ZDHHC20: variants seen among roughly 807,000 people sequenced by gnomAD.
ZDHHC20 encodes the protein zDHHC palmitoyltransferase 20, also known as palmitoyltransferase ZDHHC20.
Under a neutral mutation model 57.8 loss-of-function variants are expected in ZDHHC20, and 43 were observed. The observed-to-expected ratio is 0.74, with a 90% CI of 0.58 to 0.96. The LOEUF (loss-of-function observed/expected upper bound fraction) is 0.96. Among genes scored for constraint, ZDHHC20 ranks in the 40% least tolerant of loss-of-function variants. The pLI is 0.00. For synonymous variants in ZDHHC20, 157 were observed against 153.0 expected (o/e 1.03, Z -0.19); for missense variants, 391 against 441.1 (o/e 0.89, Z 1.02).
At chr13:21,430,889 T>C (rs1881831731) in intron 1 of ZDHHC20, among the ~76,000 whole-genome samples, 1 of 152,174 alleles carries the variant, frequency 6.6e-6, no homozygotes, top group Non-Finnish European at 1.5e-5. Flanking sequence ...CTGCACACTT[T>C]CCATGGATTT....
chr13:21,387,785 A>C (rs984398899), intron 8 of ZDHHC20, among the ~76,000 whole-genome samples, 151 bp from the exon 9 acceptor site: 1 of 152,204 alleles, frequency 6.6e-6, no homozygotes, highest in Non-Finnish European at 1.5e-5. Context: ...TTAAAAGATA[A>C]ATTTATGAAA....
At chr13:21,384,072 G>T (rs79564354) in intron 9 of ZDHHC20, among the ~76,000 whole-genome samples, 37 of 151,834 alleles carry the variant, frequency 2.4e-4, no homozygotes, top group Non-Finnish European at 4.3e-4. Flanking sequence ...CCAGGACCCT[G>T]GCACTATGGG....
chr13:21,388,874 G>A (rs1875101345), intron 8 of ZDHHC20, among the ~76,000 whole-genome samples: 1 of 152,128 alleles, frequency 6.6e-6, no homozygotes, highest in Non-Finnish European at 1.5e-5. Context: ...AAAGATGTAA[G>A]GAGCTGTTTT....
At position 21,374,449 on chromosome 13, in the gene ZDHHC20, A is replaced by G. The variant is rs1270741443; in HGVS notation, c.*2247T>C. ...AGGGTTTTGCCATTTTGACCAGGCT[A>G]ATCTCGAACCCCTGACCTCAGGTGA... On this transcript the variant is annotated 3_prime_UTR_variant, in exon 13 of 13. Transcript: ENST00000400590. 2 of 455,234 alleles carry G rather than the reference A, an allele frequency of 4.4e-6. No individual in the cohort carries two copies. The highest frequency in any genetic ancestry group is 8.8e-6 in the Non-Finnish European group (2 of 226,388). 28.2% of individuals were successfully genotyped at this position (455,234 alleles called of 1,614,324 possible). A position where few individuals can be genotyped will look rare whatever the true frequency, so the allele number is the denominator to read the frequency against.
intron 1 of ZDHHC20, among the ~76,000 whole-genome samples, chr13:21,432,488 CCTGA>C (rs1022902183): frequency 8.5e-5 from 13 of 152,276 alleles, no homozygotes; most frequent in South Asian, 8.3e-4. Context: ...CACCACCATG[CCTGA>C]CTAATTTTTT....
In ZDHHC20 at chr13:21,374,835, T is replaced by A. The variant is rs560092653; in HGVS notation, c.*1861A>T. Reference sequence around the variant, plus strand: ...TTATTATTTAGCATACAGAAGGTACTCCAAAAAATTTACCGGGGCGGGGCG... The same window carrying A: ...TTATTATTTAGCATACAGAAGGTACACCAAAAAATTTACCGGGGCGGGGCG... On this transcript the variant is annotated 3_prime_UTR_variant, in exon 13 of 13. Transcript: ENST00000400590. 5.0e-5 allele frequency: 15 copies of A among 297,148 alleles called. No homozygotes were observed. Among genetic ancestry groups the A allele is most frequent in the South Asian group, 4.5e-4 (15 of 32,970 alleles). The allele number at this position is 297,148 out of a possible 1,614,324, so 18.4% of individuals were successfully genotyped here.
In ZDHHC20 at chr13:21,439,255, G is replaced by A. The variant is rs1039220083; in HGVS notation, c.119-13577C>T. Among the ~76,000 whole-genome samples, 14 of 152,186 alleles carry A rather than the reference G, an allele frequency of 9.2e-5. No homozygotes were observed. The South Asian group carries it at 1.2e-3, about 14-fold the overall frequency. On this transcript the variant is annotated intron_variant, in intron 1 of 12. Transcript: ENST00000400590. ...TGGCTCACGCCTGTAATCCCAACAC[G>A]TAAGGAGGCTGAGGCAAGAGGATCG...
At chr13:21,377,549 C>T (rs1426962316) in intron 12 of ZDHHC20, 1 of 106,552 alleles carries the variant, frequency 9.4e-6, no homozygotes, top group South Asian at 1.7e-4. Flanking sequence ...TGACCTCCAC[C>T]CCTAGTGCCT....
intron 2 of ZDHHC20, among the ~76,000 whole-genome samples, chr13:21,423,451 G>A (rs140170809): frequency 4.2e-3 from 639 of 152,106 alleles, no homozygotes; most frequent in African/African-American, 0.015. Context: ...TGGGGCGGGC[G>A]GATCACTTGA....
chr13:21,444,484 C>T (rs1180067682), intron 1 of ZDHHC20, among the ~76,000 whole-genome samples: 1 of 152,030 alleles, frequency 6.6e-6, no homozygotes, highest in African/African-American at 2.4e-5. Context: ...ATTAGAATAT[C>T]CTTTTATAAA....
chr13:21,374,180 A>AAT lies in ZDHHC20; in HGVS notation c.*2514_*2515dup, dbSNP rs1247072685. ...TATGTTTTAACATTTATCTCCTTATAATATGCAAACTGCCAAACTGGAGTT... is the reference window on the plus strand; with the variant it reads ...TATGTTTTAACATTTATCTCCTTATAATATATGCAAACTGCCAAACTGGAGTT... On this transcript the variant is annotated 3_prime_UTR_variant, in exon 13 of 13. Transcript: ENST00000400590. 4.4e-5 allele frequency: 8 copies of AAT among 183,512 alleles called. No individual in the cohort carries two copies. Among genetic ancestry groups the AAT allele is most frequent in the Non-Finnish European group, 7.1e-5 (6 of 83,996 alleles). 11.4% of individuals were successfully genotyped at this position (183,512 alleles called of 1,614,324 possible).
At chr13:21,386,313 A>G (rs951358063) in intron 9 of ZDHHC20, among the ~76,000 whole-genome samples, 1 of 152,192 alleles carries the variant, frequency 6.6e-6, no homozygotes, top group Non-Finnish European at 1.5e-5. Flanking sequence ...ATGGTTAACA[A>G]TATTTTCCAA....
rs139538706 is a variant in ZDHHC20 at position 21,408,564 on chromosome 13, T to C, written c.370+5088A>G. 6.0e-3 allele frequency among the ~76,000 whole-genome samples: 916 copies of C among 151,688 alleles called. 7 individuals are homozygous for C. Among genetic ancestry groups the C allele is most frequent in the African/African-American group, 0.021 (857 of 41,446 alleles). On this transcript the variant is annotated intron_variant, in intron 4 of 12. Transcript: ENST00000400590. ...TATACAATCATGTCATCTGCACAGATAATTTGACTTCCTCTCTTCCTATTT... is the reference window on the plus strand; with the variant it reads ...TATACAATCATGTCATCTGCACAGACAATTTGACTTCCTCTCTTCCTATTT...
At chr13:21,444,593 C>T (rs1883495151) in intron 1 of ZDHHC20, among the ~76,000 whole-genome samples, 2 of 152,068 alleles carry the variant, frequency 1.3e-5, no homozygotes, top group Admixed American at 1.3e-4. Flanking sequence ...TCGTATTGGG[C>T]CATAAACCCA....
At chr13:21,403,340 CAAT>C (rs1305832018) in intron 4 of ZDHHC20, among the ~76,000 whole-genome samples, 1 of 149,680 alleles carries the variant, frequency 6.7e-6, no homozygotes, top group Non-Finnish European at 1.5e-5. Context: ...CCCAGATAAA[CAAT>C]AAAACTGGGA....
chr13:21,408,620 T>C (rs921649444), intron 4 of ZDHHC20, among the ~76,000 whole-genome samples: 44 of 152,338 alleles, frequency 2.9e-4, no homozygotes, highest in Admixed American at 7.8e-4. Context: ...TCTTGCCTTA[T>C]TGCCTTAGCC....
chr13:21,384,564 G>GTGGTGTA (rs142737007), intron 9 of ZDHHC20, among the ~76,000 whole-genome samples: 22,316 of 151,606 alleles, frequency 0.15, 2,216 homozygotes, highest in Non-Finnish European at 0.23. Context: ...AATCTGCACT[G>GTGGTGTA]TGGTGTACCT....
chr13:21,434,609 A>G (rs1882353628), intron 1 of ZDHHC20, among the ~76,000 whole-genome samples: 1 of 152,078 alleles, frequency 6.6e-6, no homozygotes. Flanking sequence ...GATACTGTTC[A>G]TGTTCTGTTT....
At chr13:21,380,369 C>T (rs1038027510) in intron 11 of ZDHHC20, among the ~76,000 whole-genome samples, 2 of 151,978 alleles carry the variant, frequency 1.3e-5, no homozygotes, top group African/African-American at 4.8e-5. Flanking sequence ...CCACCTCGGC[C>T]TCCCAAAGTG....
Sources: allele counts gnomAD v4.1 joint callset (sites outside exome capture counted in the v4.1 genomes callset), GRCh38; gene constraint gnomAD v4.1.1; transcripts MANE v1.5; gene names NCBI Gene and HGNC (gene_info 2026-07-23, HGNC 2026-07-21).